PUF60: variants seen among roughly 807,000 people sequenced by gnomAD.
PUF60 encodes poly(U) binding splicing factor 60.
A neutral mutation model predicts 61.8 loss-of-function variants in PUF60; 10 were observed. That is an observed-to-expected ratio of 0.16 (90% CI 0.10 to 0.27). The LOEUF (loss-of-function observed/expected upper bound fraction) is 0.27, where lower values mean the gene tolerates loss of function less well. Among genes scored for constraint, PUF60 ranks in the 10% least tolerant of loss-of-function variants. The probability of loss-of-function intolerance (pLI) is 1.00; values close to 1 mark genes in which losing one functional copy is unlikely to be tolerated. For missense variants in PUF60, 371 were observed against 754.0 expected, an observed-to-expected ratio of 0.49 and a Z score of 5.95; for synonymous variants, 353 against 300.9, an observed-to-expected ratio of 1.17 and a Z score of -1.79.
chr8:143,828,957 G>A (rs930714372), intron 1 of PUF60: 30 of 988,790 alleles, frequency 3.0e-5, no homozygotes, highest in Non-Finnish European at 3.5e-5. Context: ...TCGGCAAAGG[G>A]AGGACGACGA....
At chr8:143,828,889 A>T in intron 1 of PUF60, 1 of 978,330 alleles carries the variant, frequency 1.0e-6, no homozygotes, top group Non-Finnish European at 1.2e-6. Context: ...ATCAACCCGA[A>T]GGCCCACGCG....
At chr8:143,820,267 G>A (rs1816864072) in intron 5 of PUF60, 1 of 226,360 alleles carries the variant, frequency 4.4e-6, no homozygotes, top group African/African-American at 2.3e-5. Context: ...CATGAGTTAG[G>A]ACCCCTCTCT....
In PUF60 at chr8:143,817,601, G is replaced by A. The variant is rs1291042916; in HGVS notation, c.999C>T (p.Ile333=). 1.2e-6 allele frequency: 2 copies of A among 1,611,896 alleles called. No individual in the cohort carries two copies. The highest frequency in any genetic ancestry group is 1.7e-6 in the Non-Finnish European group (2 of 1,179,622). Residue 333 remains isoleucine, a synonymous_variant, in exon 9 of 12, where the codon ATC becomes ATT. Transcript: ENST00000526683. The surrounding 1 kb of genome is among the most constrained non-coding windows in gnomAD (Gnocchi z 7.4). ...CTGTGTGGGCCCTCACCTGAGCTGTGATCTTGGCAGTGGCTGCAGCAGCTG... is the reference window on the plus strand; with the variant it reads ...CTGTGTGGGCCCTCACCTGAGCTGTAATCTTGGCAGTGGCTGCAGCAGCTG... ...AVAAAAATAK[I]TAQEAVAGAA...
chr8:143,825,166 C>G (rs919787657), intron 1 of PUF60: 5 of 152,280 alleles, frequency 3.3e-5, no homozygotes, highest in African/African-American at 1.2e-4. Flanking sequence ...GGCTGCACAA[C>G]GAGAAGCAAG....
In PUF60 at chr8:143,818,456, C is replaced by G; in HGVS notation, c.427G>C (p.Asp143His). ...VGSIYYELGE[D>H]TIRQAFAPFG... Reference sequence around the variant, plus strand: ...GGGGCAAAGGCCTGGCGGATGGTGTCCTCCCCCAGCTCATAGTAGATAGAG... The same window carrying G: ...GGGGCAAAGGCCTGGCGGATGGTGTGCTCCCCCAGCTCATAGTAGATAGAG... Residue 143 changes from aspartate to histidine, a missense_variant, in exon 6 of 12, where the codon GAC (aspartate) becomes CAC (histidine). Transcript: ENST00000526683. This position sits in a 1 kb window ranked among gnomAD's most constrained non-coding sequence, Gnocchi z 7.9. 1 of 1,611,694 alleles carries G rather than the reference C, an allele frequency of 6.2e-7. No homozygotes were observed. The highest frequency in any genetic ancestry group is 8.5e-7 in the Non-Finnish European group (1 of 1,179,436).
rs749620335 is a variant in PUF60, at chr8:143,817,428, G to A, written c.1047C>T (p.Gly349=). The A allele has an allele frequency of 6.2e-7, 1 of 1,606,674 alleles. No homozygotes were observed. The highest frequency in any genetic ancestry group is 2.2e-5 in the East Asian group (1 of 44,584). ...GTGCTGGGGACACCAGTCCAGGTGT[G>A]CCCAGGGTACCCAGCACCGCTGCTC... ...VAGAAVLGTL[G]TPGLVSPALT... The change falls in exon 10 of 12, where the codon GGC becomes GGT. Residue 349 remains glycine, a synonymous_variant. Coordinates refer to ENST00000526683, the MANE Select transcript of PUF60 (RefSeq NM_078480.3). The surrounding 1 kb of genome is among the most constrained non-coding windows in gnomAD (Gnocchi z 7.4).
At chr8:143,820,042 G>A (rs1197589223) in intron 5 of PUF60, among the ~76,000 whole-genome samples, 4 of 152,298 alleles carry the variant, frequency 2.6e-5, no homozygotes, top group African/African-American at 9.6e-5. Flanking sequence ...TCCTGAGCCT[G>A]CCTCTGGGGG....
At chr8:143,824,087 A>T (rs1817336866) in intron 2 of PUF60, among the ~76,000 whole-genome samples, 1 of 152,340 alleles carries the variant, frequency 6.6e-6, no homozygotes, top group South Asian at 2.1e-4. Flanking sequence ...GCAGATGCAG[A>T]GGGCAAAGGC....
chr8:143,819,392 A>G (rs898406807), intron 5 of PUF60, among the ~76,000 whole-genome samples: 1 of 152,054 alleles, frequency 6.6e-6, no homozygotes, highest in African/African-American at 2.4e-5. Context: ...CATGCCAGAC[A>G]GGGGACTTCC....
chr8:143,820,681 G>C lies in PUF60; in HGVS notation c.333C>G (p.Leu111=). The change falls in exon 5 of 12, where the codon CTC becomes CTG. Residue 111 remains leucine, a synonymous_variant. Transcript: ENST00000526683. ...AAVTMGFGDP[L]SPLQSMAAQR... is the part of the protein sequence containing the mutation. ...TTCTATTGACCGATTGCAAAGGTGA[G>C]AGAGGATCTCCAAAGCCCATTGTCA... is the stretch of plus-strand genomic sequence containing the variant. 2 of 1,613,068 alleles carry C rather than the reference G, an allele frequency of 1.2e-6. No individual in the cohort carries two copies. The highest frequency in any genetic ancestry group is 8.5e-7 in the Non-Finnish European group (1 of 1,179,406).
Position 143,816,516 on chromosome 8 carries a change from A to C in PUF60, c.*4T>G. On this transcript the variant is annotated 3_prime_UTR_variant, in exon 12 of 12. Coordinates refer to ENST00000526683, the MANE Select transcript of PUF60 (RefSeq NM_078480.3). Reference sequence around the variant, plus strand: ...AAGTGCAAGTCCGGGGAGAGGGACCACTGTCACGCAGAGAGGTCACTGTTA... The same window carrying C: ...AAGTGCAAGTCCGGGGAGAGGGACCCCTGTCACGCAGAGAGGTCACTGTTA... The C allele has an allele frequency of 6.2e-7, 1 of 1,602,232 alleles. No individual in the cohort carries two copies. The highest frequency in any genetic ancestry group is 8.5e-7 in the Non-Finnish European group (1 of 1,173,404).
Position 143,816,783 on chromosome 8 carries a change from T to G in PUF60, c.1417A>C (p.Lys473Gln). The G allele has an allele frequency of 6.2e-7, 1 of 1,613,556 alleles. No homozygotes were observed. Among genetic ancestry groups the G allele is most frequent in the Non-Finnish European group, 8.5e-7 (1 of 1,179,854 alleles). ...CCTTCCAGGTCATCATCGATGTCCT[T>G]GGGGTCCACCATGTTGCGCAGAACC... ...VMVLRNMVDP[K>Q]DIDDDLEGEV... Residue 473 changes from lysine (K) to glutamine (Q), a missense_variant, in exon 12 of 12, where the codon AAG becomes CAG. Physicochemically the swap from Lys to Gln is moderately conservative, Grantham distance 53. Around this residue, in one of 13 missense-constraint regions of PUF60, gnomAD observed 38 missense variants for 112.9 expected, o/e 0.34. Transcript: ENST00000526683.
intron 1 of PUF60, chr8:143,824,972 G>A (rs1279255105): frequency 1.0e-4 from 16 of 155,754 alleles, no homozygotes; most frequent in Middle Eastern, 3.1e-3. Context: ...GCAGGAGGAC[G>A]GCCAAGAGGT....
At chr8:143,827,580 CAACCAGG>C (rs1461739072) in intron 1 of PUF60, 1 of 390,048 alleles carries the variant, frequency 2.6e-6, no homozygotes, top group African/African-American at 2.1e-5. Flanking sequence ...TCACTGTGCC[CAACCAGG>C]ACGGTGGGAA....
chr8:143,821,799 C>T lies in PUF60; in HGVS notation c.207+19G>A. The T allele has an allele frequency of 1.2e-6, 2 of 1,605,974 alleles. No homozygotes were observed. Among genetic ancestry groups the T allele is most frequent in the Non-Finnish European group, 1.7e-6 (2 of 1,177,238 alleles). Reference sequence around the variant, plus strand: ...TTGACTGTCCCACACCTGCAGTGCCCTGGGAGGTCCATGCTCACCTTCTGA... The same window carrying T: ...TTGACTGTCCCACACCTGCAGTGCCTTGGGAGGTCCATGCTCACCTTCTGA... On this transcript the variant is annotated intron_variant, in intron 3 of 11. Coordinates refer to ENST00000526683, the MANE Select transcript of PUF60 (RefSeq NM_078480.3).
intron 4 of PUF60, chr8:143,821,328 G>A (rs965996626): frequency 1.7e-6 from 1 of 582,954 alleles, no homozygotes; most frequent in Non-Finnish European, 3.1e-6. Flanking sequence ...ACAGTGTGAA[G>A]ACCAGGAAGG....
intron 1 of PUF60, 57 bp downstream of exon 1, chr8:143,829,223 C>A: frequency 8.1e-7 from 1 of 1,237,120 alleles, no homozygotes; most frequent in South Asian, 3.7e-5. Context: ...CAGGCTGGGT[C>A]GACGACCCGG....
At position 143,816,711 on chromosome 8, in the gene PUF60, T is replaced by C. The variant is rs756399764; in HGVS notation, c.1489A>G (p.Ile497Val). The change falls in exon 12 of 12, where the codon ATC (isoleucine) becomes GTC (valine). Residue 497 changes from isoleucine (I) to valine (V), a missense_variant. By Grantham distance (29) the Ile-to-Val change is conservative. This residue lies in a region of PUF60 where 38 missense variants were observed against 112.9 expected (regional missense o/e 0.34). Coordinates refer to ENST00000526683, the MANE Select transcript of PUF60 (RefSeq NM_078480.3). Reference protein sequence around the residue: ...CGKFGAVNRVIIYQEKQGEEE... With the variant: ...CGKFGAVNRVVIYQEKQGEEE... The stretch of plus-strand genomic sequence containing the variant: ...TCGCCTTGTTTCTCTTGGTAGATGA[T>C]GACGCGGTTCACGGCCCCGAACTTG... 15 of 1,613,738 alleles carry C rather than the reference T, an allele frequency of 9.3e-6. No homozygotes were observed. Among genetic ancestry groups the C allele is most frequent in the East Asian group, 2.2e-5 (1 of 44,894 alleles).
chr8:143,829,108 GCCGGCGCGCGCCCGCCCCGCCCC>G, intron 1 of PUF60, 149 bp downstream of exon 1: 1 of 1,146,238 alleles, frequency 8.7e-7, no homozygotes, highest in Non-Finnish European at 1.1e-6. Context: ...CGAGCCGGCC[GCCGGCGCGCGCCCGCCCCGCCCC>G]CGCCTCACGC....
Sources: allele counts gnomAD v4.1 joint callset (sites outside exome capture counted in the v4.1 genomes callset), GRCh38; gene constraint gnomAD v4.1.1; regional missense constraint gnomAD v4.1.1; non-coding constraint Gnocchi (gnomAD v3.1); transcripts MANE v1.5; gene names NCBI Gene and HGNC (gene_info 2026-07-23, HGNC 2026-07-21).